Variants in TNS1 observed in about 807,000 individuals in gnomAD.
TNS1 encodes tensin-1.
TNS1 carries 62 observed loss-of-function variants against 168.6 expected under a neutral mutation model. The ratio of observed to expected loss-of-function variants is 0.37; its 90% CI spans 0.30 to 0.45. The LOEUF is 0.45. Among genes scored for constraint, TNS1 ranks in the 20% least tolerant of loss-of-function variants. The pLI is 1.00. For missense variants in TNS1, 2,240 were observed against 2,339.4 expected (o/e 0.96, Z 0.88); for synonymous variants, 934 against 933.2 (o/e 1.00, Z -0.02).
rs188205982 is a variant in TNS1, at chr2:217,846,120, C to T, written c.3007+1390G>A. On this transcript the variant is annotated intron_variant, in intron 19 of 32. Transcript: ENST00000682258. ...AAGCCCATATGGACCACCCATGGAG[C>T]GTTTCATCCGAGGTTAAGAACTGCC... 4.3e-4 allele frequency among the ~76,000 whole-genome samples: 65 copies of T among 152,280 alleles called. 1 individual carries two copies. Among genetic ancestry groups the T allele is most frequent in the East Asian group, 2.5e-3 (13 of 5,182 alleles).
In TNS1 at chr2:217,836,185, C is replaced by A; in HGVS notation, c.3034G>T (p.Ala1012Ser). 1 of 1,612,474 alleles carries A rather than the reference C, an allele frequency of 6.2e-7. No individual in the cohort carries two copies. The highest frequency in any genetic ancestry group is 8.5e-7 in the Non-Finnish European group (1 of 1,179,238). ...CTCCGCAGAGGGGCTGGGGGCTCTG[C>A]AGGCTGCTTCTCCCGAGCCTGTACC... The part of the protein sequence containing the change: ...AGVQAREKQP[A>S]EPPAPLRRRA... The change falls in exon 20 of 33, where the codon GCA becomes TCA. Residue 1012 changes from alanine to serine, a missense_variant. Ala to Ser is a moderately conservative substitution (Grantham distance 99). Transcript: ENST00000682258.
rs3839056 is a variant in TNS1, at chr2:217,848,163, G to GGCTGCTGCTGCTGCT, written c.2339_2353dup (p.Gln780_Gln784dup). 11 of 1,502,154 alleles carry GGCTGCTGCTGCTGCT rather than the reference G, an allele frequency of 7.3e-6. No individual in the cohort carries two copies. The highest frequency in any genetic ancestry group is 2.8e-5 in the African/African-American group (2 of 71,762). 93.1% of individuals were successfully genotyped at this position (1,502,154 alleles called of 1,614,324 possible). A position where few individuals can be genotyped will look rare whatever the true frequency, so the allele number is the denominator to read the frequency against. On this transcript the variant is annotated inframe_insertion, in exon 19 of 33. Coordinates refer to ENST00000682258, the MANE Select transcript of TNS1 (RefSeq NM_001387777.1). ...TTCCTGCTGGCGTGGAGGTGGGCGA[G>GGCTGCTGCTGCTGCT]GCTGCTGCTGCTGCTGCTGCTGCTG...
Position 217,847,548 on chromosome 2 carries a change from G to A in TNS1, c.2969C>T (p.Pro990Leu), listed in dbSNP as rs750300085. The change falls in exon 19 of 33, where the codon CCA becomes CTA. Residue 990 changes from proline (P) to leucine (L), a missense_variant. By Grantham distance (98) the Pro-to-Leu change is moderately conservative. This residue lies in a region of TNS1 where 2,131 missense variants were observed against 2,171.2 expected (regional missense o/e 0.98). Coordinates refer to ENST00000682258, the MANE Select transcript of TNS1 (RefSeq NM_001387777.1). ...GGCCACCAGCCCTTCTAAATTCAAT[G>A]GCTCCTCCTCTGGAGTCCGGGAGGG... ...SDPSRTPEEEPLNLEGLVAHR... is the reference protein window; with the variant it reads ...SDPSRTPEEELLNLEGLVAHR... 66 of 1,474,146 alleles carry A rather than the reference G, an allele frequency of 4.5e-5. No homozygotes were observed. The highest frequency in any genetic ancestry group is 2.1e-5 in the Non-Finnish European group (23 of 1,105,914). The allele number at this position is 1,474,146 out of a possible 1,614,324, so 91.3% of individuals were successfully genotyped here. A position where few individuals can be genotyped will look rare whatever the true frequency, so the allele number is the denominator to read the frequency against.
At chr2:218,011,275 A>G (rs1260053449), upstream of TNS1, among the ~76,000 whole-genome samples, 1 of 152,186 alleles carries the variant, frequency 6.6e-6, no homozygotes, top group African/African-American at 2.4e-5. Context: ...GGGGAGGCGG[A>G]GGTCCTGGAC....
chr2:217,987,106 G>A (rs987770317), intron 2 of TNS1: 2 of 152,202 alleles, frequency 1.3e-5, no homozygotes, highest in Non-Finnish European at 2.9e-5. Context: ...CAAGATCACA[G>A]AGGTTGTGAG....
intron 4 of TNS1, among the ~76,000 whole-genome samples, chr2:217,909,589 A>ACACG (rs1377943339): frequency 6.6e-6 from 1 of 151,732 alleles, no homozygotes; most frequent in Non-Finnish European, 1.5e-5. Flanking sequence ...ACACACACAC[A>ACACG]CACACACACA....
chr2:217,880,872 G>C lies in TNS1; in HGVS notation c.1429+26C>G. ...CAGAGGCTGTGCAGTTTGGATAGGG[G>C]CTGGGAGCCACTAGGTCCCACCTAC... is the stretch of plus-strand genomic sequence containing the variant. On this transcript the variant is annotated intron_variant, in intron 18 of 32. Coordinates refer to ENST00000682258, the MANE Select transcript of TNS1 (RefSeq NM_001387777.1). This position sits in a 1 kb window ranked among gnomAD's most constrained non-coding sequence, Gnocchi z 4.2. The C allele has an allele frequency of 6.4e-7, 1 of 1,553,136 alleles. No homozygotes were observed. Among genetic ancestry groups the C allele is most frequent in the South Asian group, 1.1e-5 (1 of 89,900 alleles).
intron 17 of TNS1, chr2:217,881,221 G>C (rs1950652694): frequency 3.5e-6 from 2 of 572,290 alleles, no homozygotes; most frequent in African/African-American, 3.8e-5. Flanking sequence ...TCTTGAAAAG[G>C]CTCATGCCGG....
intron 4 of TNS1, 88 bp from the exon 5 acceptor site, chr2:217,907,339 C>A: frequency 2.9e-6 from 2 of 690,762 alleles, no homozygotes; most frequent in Non-Finnish European, 2.7e-6. Flanking sequence ...CCCTGATGGG[C>A]AGAATGCCCC....
chr2:217,970,157 C>A (rs1957742793), intron 3 of TNS1, among the ~76,000 whole-genome samples: 1 of 152,172 alleles, frequency 6.6e-6, no homozygotes, highest in Non-Finnish European at 1.5e-5. Flanking sequence ...TGGAAAGAGG[C>A]AAGGAAGGGC....
In TNS1 at chr2:217,848,818, G is replaced by C. The variant is rs373131506; in HGVS notation, c.1699C>G (p.Arg567Gly). 2 of 1,613,930 alleles carry C rather than the reference G, an allele frequency of 1.2e-6. No individual in the cohort carries two copies. The highest frequency in any genetic ancestry group is 2.7e-5 in the African/African-American group (2 of 74,894). The stretch of plus-strand genomic sequence containing the variant: ...TCTAAGCCAAAGCCACTCAGCAGGC[G>C]GTCCAGCTCCCGCTTCTCCTGGGGA... ...LSPQEKRELD[R>G]LLSGFGLERE... Residue 567 changes from arginine to glycine, a missense_variant, in exon 19 of 33, where the codon CGC (arginine) becomes GGC (glycine). By Grantham distance (125) the Arg-to-Gly change is moderately radical (BLOSUM62 -2). This residue lies in a region of TNS1 where 2,131 missense variants were observed against 2,171.2 expected (regional missense o/e 0.98). Transcript: ENST00000682258.
chr2:217,933,138 T>C (rs1035702022), intron 3 of TNS1, among the ~76,000 whole-genome samples: 2 of 152,272 alleles, frequency 1.3e-5, no homozygotes, highest in African/African-American at 2.4e-5. Flanking sequence ...ACCAGCATTG[T>C]TTGGCTCCAT....
chr2:217,852,346 C>T (rs932540196), intron 18 of TNS1, among the ~76,000 whole-genome samples: 5 of 152,196 alleles, frequency 3.3e-5, no homozygotes, highest in African/African-American at 7.2e-5. Flanking sequence ...GGCACCCCCT[C>T]TGCCACCTAC....
chr2:217,892,120 G>A (rs1951804876), intron 11 of TNS1, among the ~76,000 whole-genome samples: 1 of 152,034 alleles, frequency 6.6e-6, no homozygotes, highest in Admixed American at 6.5e-5. Context: ...TTCTTTTTGA[G>A]ACAGAGTCTC....
chr2:217,990,554 CCA>C (rs1255260681), intron 2 of TNS1, among the ~76,000 whole-genome samples: 2 of 152,102 alleles, frequency 1.3e-5, no homozygotes, highest in Non-Finnish European at 2.9e-5. Flanking sequence ...CATGCATCAT[CCA>C]CACACCAGCC....
At position 217,821,887 on chromosome 2, in the gene TNS1, C is replaced by A; in HGVS notation, c.3425G>T (p.Arg1142Leu). 1 of 1,588,966 alleles carries A rather than the reference C, an allele frequency of 6.3e-7. No individual in the cohort carries two copies. Among genetic ancestry groups the A allele is most frequent in the South Asian group, 1.2e-5 (1 of 86,704 alleles). ...SVARTAVAGP[R>L]AQDSEPKSFS... ...GCTCTTGGGCTCAGAGTCCTGAGCT[C>A]GGGGTCCAGCCACCGCTGTCCGTGC... The change falls in exon 23 of 33, where the codon CGA (arginine) becomes CTA (leucine). Residue 1142 changes from arginine (R) to leucine (L), a missense_variant. Physicochemically the swap from Arg to Leu is moderately radical, Grantham distance 102. Transcript: ENST00000682258.
intron 3 of TNS1, among the ~76,000 whole-genome samples, chr2:217,960,844 C>T (rs1205157759): frequency 6.6e-6 from 1 of 152,152 alleles, no homozygotes; most frequent in Non-Finnish European, 1.5e-5. Context: ...TCCAGGAAGA[C>T]CAAGAAAAGC....
chr2:217,856,364 T>C (rs1333626203), intron 18 of TNS1, among the ~76,000 whole-genome samples: 2 of 152,116 alleles, frequency 1.3e-5, no homozygotes, highest in Admixed American at 6.5e-5. Flanking sequence ...CATCCTGGCA[T>C]TGGTGGCAGG....
intron 19 of TNS1, among the ~76,000 whole-genome samples, chr2:217,844,732 CT>C (rs1042486946): frequency 3.3e-5 from 5 of 152,218 alleles, no homozygotes; most frequent in African/African-American, 4.8e-5. Context: ...AGTTCCAGTT[CT>C]TTTTTCCCCC....
Sources: gnomAD v4.1 joint callset for allele counts (sites outside exome capture counted in the v4.1 genomes callset) on GRCh38, gnomAD v4.1.1 for gene constraint, gnomAD v4.1.1 regional missense constraint, Gnocchi (gnomAD v3.1) non-coding constraint, MANE v1.5 for transcripts, NCBI Gene and HGNC (gene_info 2026-07-23, HGNC 2026-07-21) for gene names.